The following DCLK2 variants were observed in gnomAD, a reference collection of about 807,000 sequenced individuals.
The protein encoded by DCLK2 is serine/threonine-protein kinase DCLK2.
DCLK2 carries 31 observed loss-of-function variants against 78.4 expected under a neutral mutation model. The ratio of observed to expected loss-of-function variants is 0.40; its 90% CI spans 0.30 to 0.53. The LOEUF is 0.53. Ranked by LOEUF, DCLK2 falls within the 20% of genes least tolerant of loss-of-function variation. DCLK2 has a pLI of 0.61. For missense variants in DCLK2, 872 were observed against 973.7 expected (o/e 0.90, Z 1.39); for synonymous variants, 407 against 374.9 (o/e 1.09, Z -0.99).
chr4:150,210,942 C>T (rs1580723842), intron 5 of DCLK2, among the ~76,000 whole-genome samples: 1 of 125,020 alleles, frequency 8.0e-6, no homozygotes, highest in East Asian at 2.2e-4. Flanking sequence ...GAGCAAGACT[C>T]TGTCTCAAAA....
intron 1 of DCLK2, among the ~76,000 whole-genome samples, chr4:150,100,564 C>CT (rs1293016413): frequency 1.3e-5 from 2 of 152,188 alleles, no homozygotes; most frequent in Admixed American, 1.3e-4. Context: ...TGCTAAGATT[C>CT]TTTTTTCTCT....
At position 150,102,696 on chromosome 4, in the gene DCLK2, A is replaced by C; in HGVS notation, c.640A>C (p.Ile214Leu). ...AGTGAAGCCTAGAAAAGCCGTGCGG[A>C]TCCTTCTGAATAAAAAGACTGCTCA... is the stretch of plus-strand genomic sequence containing the variant. ...SGVKPRKAVR[I>L]LLNKKTAHSF... Residue 214 changes from isoleucine (I) to leucine (L), a missense_variant, in exon 2 of 16, where the codon ATC (isoleucine) becomes CTC (leucine). By Grantham distance (5) the Ile-to-Leu change is conservative. Around this residue, in one of 3 missense-constraint regions of DCLK2, gnomAD observed 567 missense variants for 593.4 expected, o/e 0.96. Transcript: ENST00000296550. 3 of 1,614,094 alleles carry C rather than the reference A, an allele frequency of 1.9e-6. No individual in the cohort carries two copies. Among genetic ancestry groups the C allele is most frequent in the Non-Finnish European group, 2.5e-6 (3 of 1,180,000 alleles).
intron 12 of DCLK2, among the ~76,000 whole-genome samples, chr4:150,242,383 C>T (rs935690179): frequency 6.6e-6 from 1 of 152,198 alleles, no homozygotes; most frequent in African/African-American, 2.4e-5. Flanking sequence ...CCGTCAACAT[C>T]GTGGTCTTCC....
chr4:150,239,967 A>G, intron 11 of DCLK2, 92 bp downstream of exon 11: 1 of 1,431,768 alleles, frequency 7.0e-7, no homozygotes. Context: ...AGTTGGTAAG[A>G]AAGGTCTGTT....
chr4:150,151,901 G>A (rs544452755), intron 2 of DCLK2, among the ~76,000 whole-genome samples: 3 of 151,196 alleles, frequency 2.0e-5, no homozygotes, highest in South Asian at 2.1e-4. Context: ...CTCCAGTCTG[G>A]GCAACAAAGT....
intron 2 of DCLK2, among the ~76,000 whole-genome samples, chr4:150,163,193 T>A (rs1400054897): frequency 6.6e-6 from 1 of 151,720 alleles, no homozygotes; most frequent in African/African-American, 2.4e-5. Flanking sequence ...AGGTCAGGAG[T>A]TTGAGACCAG....
intron 2 of DCLK2, among the ~76,000 whole-genome samples, chr4:150,184,157 G>A: frequency 6.6e-6 from 1 of 152,212 alleles, no homozygotes; most frequent in Non-Finnish European, 1.5e-5. Context: ...TCAGTCTGGT[G>A]AGAGGTCCAG....
At chr4:150,248,197 G>A (rs1299582360) in intron 13 of DCLK2, 108 bp from the exon 14 acceptor site, 5 of 872,138 alleles carry the variant, frequency 5.7e-6, no homozygotes, top group Non-Finnish European at 9.4e-6. Context: ...GTTAGCAGCT[G>A]TGCTGGCTCT....
chr4:150,093,667 C>A (rs1022222771), intron 1 of DCLK2, among the ~76,000 whole-genome samples: 3 of 152,190 alleles, frequency 2.0e-5, no homozygotes, highest in African/African-American at 7.2e-5. Context: ...CAGGCATAAA[C>A]CACGCCCAGC....
At chr4:150,185,031 T>C (rs1003579872) in intron 2 of DCLK2, among the ~76,000 whole-genome samples, 1 of 152,222 alleles carries the variant, frequency 6.6e-6, no homozygotes, top group African/African-American at 2.4e-5. Context: ...GCTACTAATA[T>C]ATGCATTGTA....
At chr4:150,207,715 C>G (rs1739944468) in intron 5 of DCLK2, among the ~76,000 whole-genome samples, 1 of 152,088 alleles carries the variant, frequency 6.6e-6, no homozygotes, top group African/African-American at 2.4e-5. Context: ...GTTCTTTAAC[C>G]TTAAACTGAG....
At chr4:150,120,157 A>G (rs1475282170) in intron 2 of DCLK2, among the ~76,000 whole-genome samples, 1 of 152,192 alleles carries the variant, frequency 6.6e-6, no homozygotes, top group Non-Finnish European at 1.5e-5. Flanking sequence ...AAGTCAGTAT[A>G]GTATTTTAGG....
intron 6 of DCLK2, among the ~76,000 whole-genome samples, chr4:150,221,387 T>G (rs1210095655): frequency 6.6e-6 from 1 of 152,054 alleles, no homozygotes; most frequent in Non-Finnish European, 1.5e-5. Context: ...CAAAAAAGTT[T>G]GGATAAGTTT....
chr4:150,198,935 C>A, intron 4 of DCLK2: 1 of 391,442 alleles, frequency 2.6e-6, no homozygotes, highest in African/African-American at 2.3e-5. Context: ...TTCTGTAGGG[C>A]AGGTCGTTTT....
chr4:150,193,334 A>T, intron 3 of DCLK2, 94 bp downstream of exon 3: 6 of 714,952 alleles, frequency 8.4e-6, no homozygotes, highest in Non-Finnish European at 1.2e-5. Flanking sequence ...CATGTTAAGA[A>T]GTCTGACATG....
At chr4:150,247,878 G>A (rs1216402472) in intron 13 of DCLK2, among the ~76,000 whole-genome samples, 179 bp downstream of exon 13, 1 of 152,212 alleles carries the variant, frequency 6.6e-6, no homozygotes, top group African/African-American at 2.4e-5. Flanking sequence ...AATTCTTAAA[G>A]CTGGACTGGC....
At chr4:150,103,275 G>C (rs1731013206) in intron 2 of DCLK2, among the ~76,000 whole-genome samples, 1 of 152,160 alleles carries the variant, frequency 6.6e-6, no homozygotes, top group African/African-American at 2.4e-5. Context: ...TATTTCAAAA[G>C]AAAGTACTTT....
rs759153200 is a variant in DCLK2 at position 150,198,027 on chromosome 4, T to C, written c.885T>C (p.Tyr295=). The part of the protein sequence containing the change: ...HSECRVLKSS[Y]SRSSAVKYSG... ...AATGTCGTGTCCTGAAGTCATCTTA[T>C]TCTCGATCCTCAGCTGTTAAGTATT... The change falls in exon 4 of 16, where the codon TAT becomes TAC. Residue 295 remains tyrosine, a synonymous_variant. Coordinates refer to ENST00000296550, the MANE Select transcript of DCLK2 (RefSeq NM_001040260.4). 7 of 1,613,564 alleles carry C rather than the reference T, an allele frequency of 4.3e-6. No individual in the cohort carries two copies. Among genetic ancestry groups the C allele is most frequent in the African/African-American group, 1.3e-5 (1 of 74,894 alleles).
chr4:150,199,953 A>G (rs1483390722), intron 4 of DCLK2, among the ~76,000 whole-genome samples: 1 of 152,174 alleles, frequency 6.6e-6, no homozygotes, highest in Non-Finnish European at 1.5e-5. Context: ...GTAATGAGCT[A>G]TGATGATAGT....
Sources: gnomAD v4.1 joint callset for allele counts (sites outside exome capture counted in the v4.1 genomes callset) on GRCh38, gnomAD v4.1.1 for gene constraint, gnomAD v4.1.1 regional missense constraint, MANE v1.5 for transcripts, NCBI Gene and HGNC (gene_info 2026-07-23, HGNC 2026-07-21) for gene names.